Variants in DLGAP1 observed in about 807,000 individuals in gnomAD.
DLGAP1 encodes disks large-associated protein 1.
Under a neutral mutation model 90.8 loss-of-function variants are expected in DLGAP1, and 11 were observed. The ratio of observed to expected loss-of-function variants is 0.12; its 90% CI spans 0.08 to 0.20. The LOEUF is 0.20. Ranked by LOEUF, DLGAP1 falls within the 10% of genes least tolerant of loss-of-function variation. The pLI is 1.00. For synonymous variants in DLGAP1, 558 were observed against 540.7 expected (o/e 1.03, Z -0.44); for missense variants, 1,050 against 1,333.8 (o/e 0.79, Z 3.31).
intron 5 of DLGAP1, among the ~76,000 whole-genome samples, chr18:3,749,484 C>G (rs1372218675): frequency 1.3e-5 from 2 of 152,022 alleles, no homozygotes; most frequent in African/African-American, 4.8e-5. Flanking sequence ...GGGAATCCAG[C>G]CTGGATTCTC....
rs9960682 is a variant in DLGAP1, at chr18:4,029,991, G to T, written c.-158-24790C>A. On this transcript the variant is annotated intron_variant, in intron 2 of 12. Transcript: ENST00000315677. ...CCCACTAGAATGTAAACTCCATTAA[G>T]AAATTATTATTATTTTTTGAGACGG... Among the ~76,000 whole-genome samples, 265 of 152,200 alleles carry T rather than the reference G, an allele frequency of 1.7e-3. 2 individuals are homozygous for T. The highest frequency in any genetic ancestry group is 0.01 in the Middle Eastern group (3 of 294).
chr18:4,388,558 AG>A, intron 1 of DLGAP1, among the ~76,000 whole-genome samples: 1 of 152,184 alleles, frequency 6.6e-6, no homozygotes, highest in East Asian at 1.9e-4. Context: ...GAATGGGTAA[AG>A]GCAGAAAGAA....
chr18:3,698,058 T>G (rs1002119178), intron 7 of DLGAP1, among the ~76,000 whole-genome samples: 2 of 152,184 alleles, frequency 1.3e-5, no homozygotes, highest in Non-Finnish European at 2.9e-5. Flanking sequence ...CTCCATCCCT[T>G]TATTTTGAGC....
chr18:4,258,006 TGTGTGC>T lies in DLGAP1; in HGVS notation c.-266-106725_-266-106720del, dbSNP rs746642425. Among the ~76,000 whole-genome samples, 95 of 143,624 alleles carry T rather than the reference TGTGTGC, an allele frequency of 6.6e-4. 1 individual carries two copies. Among genetic ancestry groups the T allele is most frequent in the African/African-American group, 9.2e-4 (32 of 34,854 alleles). The allele number at this position is 143,624 out of a possible 152,430, so 94.2% of individuals were successfully genotyped here. On this transcript the variant is annotated intron_variant, in intron 1 of 12. Coordinates refer to ENST00000315677, the MANE Select transcript of DLGAP1 (RefSeq NM_004746.4). ...GTGTGTGTGTGTGTGTGTGTGTGTG[TGTGTGC>T]GCGCGCGCGCGTATAACCTATGTTG...
At chr18:4,105,066 A>G (rs1481646990) in intron 2 of DLGAP1, among the ~76,000 whole-genome samples, 1 of 152,204 alleles carries the variant, frequency 6.6e-6, no homozygotes, top group African/African-American at 2.4e-5. Context: ...CTGCCAGGAC[A>G]CAGAGATGAG....
intron 1 of DLGAP1, among the ~76,000 whole-genome samples, chr18:4,346,473 T>C (rs2081304759): frequency 6.6e-6 from 1 of 152,284 alleles, no homozygotes; most frequent in Non-Finnish European, 1.5e-5. Context: ...ATTTATGGAG[T>C]ACACAATATT....
intron 7 of DLGAP1, among the ~76,000 whole-genome samples, chr18:3,652,177 A>AAAAAAAG: frequency 7.2e-6 from 1 of 139,256 alleles, no homozygotes; most frequent in African/African-American, 3.4e-5. Flanking sequence ...AAAAAAAAAA[A>AAAAAAAG]AAAGAAAAGA....
At chr18:4,430,496 G>GTGGGTC (rs2083262031) in intron 1 of DLGAP1, 1 of 113,200 alleles carries the variant, frequency 8.8e-6, no homozygotes, top group Non-Finnish European at 1.8e-5. Context: ...AAATAGTCTT[G>GTGGGTC]TGTGTCTGTG....
chr18:3,881,321 G>GGTCA (rs1474743268), intron 3 of DLGAP1, among the ~76,000 whole-genome samples: 7 of 152,018 alleles, frequency 4.6e-5, no homozygotes, highest in Non-Finnish European at 1.0e-4. Context: ...TCACCATGTT[G>GGTCA]GTCAGGCTAG....
intron 1 of DLGAP1, among the ~76,000 whole-genome samples, chr18:4,188,270 A>T (rs1319398167): frequency 1.3e-5 from 2 of 152,064 alleles, no homozygotes; most frequent in Non-Finnish European, 1.5e-5. Context: ...CATTTATTCA[A>T]TTTCAAATAT....
intron 5 of DLGAP1, among the ~76,000 whole-genome samples, chr18:3,764,080 A>G (rs1289911923): frequency 6.6e-6 from 1 of 152,242 alleles, no homozygotes; most frequent in Non-Finnish European, 1.5e-5. Flanking sequence ...AGTGCGTTAC[A>G]TGGCCCTATG....
intron 9 of DLGAP1, among the ~76,000 whole-genome samples, chr18:3,539,044 C>CCCTGT (rs1197604941): frequency 3.3e-5 from 5 of 152,320 alleles, no homozygotes; most frequent in African/African-American, 1.2e-4. Flanking sequence ...ACTCAGGCAG[C>CCCTGT]CCTGTCCAAC....
chr18:4,100,740 G>A (rs889592030), intron 2 of DLGAP1, among the ~76,000 whole-genome samples: 3 of 152,152 alleles, frequency 2.0e-5, no homozygotes, highest in African/African-American at 7.2e-5. Context: ...AAATCTTCTG[G>A]ATAACTTGTT....
At chr18:3,981,805 A>G (rs955519502) in intron 3 of DLGAP1, among the ~76,000 whole-genome samples, 1 of 152,186 alleles carries the variant, frequency 6.6e-6, no homozygotes, top group African/African-American at 2.4e-5. Flanking sequence ...ATCTATATGT[A>G]TATGAAATAT....
At chr18:4,105,733 T>C (rs2075847327) in intron 2 of DLGAP1, among the ~76,000 whole-genome samples, 1 of 152,164 alleles carries the variant, frequency 6.6e-6, no homozygotes, top group African/African-American at 2.4e-5. Flanking sequence ...AAAGGAGGCC[T>C]TAAAAGTTGT....
chr18:4,052,263 T>A (rs746124236), intron 2 of DLGAP1, among the ~76,000 whole-genome samples: 1 of 152,320 alleles, frequency 6.6e-6, no homozygotes, highest in African/African-American at 2.4e-5. Flanking sequence ...AAGATTCTCC[T>A]GAGGGATCTG....
intron 7 of DLGAP1, among the ~76,000 whole-genome samples, chr18:3,629,146 T>C (rs1291719283): frequency 1.3e-5 from 2 of 152,196 alleles, no homozygotes; most frequent in Non-Finnish European, 2.9e-5. Context: ...TTATAATTTT[T>C]TGTGGCCAGG....
intron 7 of DLGAP1, chr18:3,607,982 C>T (rs1184568945): frequency 6.6e-6 from 1 of 152,214 alleles, no homozygotes; most frequent in Admixed American, 6.5e-5. Context: ...TTGTCATCTG[C>T]AAGGGATGCT....
intron 3 of DLGAP1, among the ~76,000 whole-genome samples, chr18:3,929,489 C>T (rs2072468708): frequency 6.6e-6 from 1 of 152,150 alleles, no homozygotes; most frequent in African/African-American, 2.4e-5. Context: ...TAAGTGCAAA[C>T]ACAGATGCCA....
Sources: allele counts gnomAD v4.1 joint callset (sites outside exome capture counted in the v4.1 genomes callset), GRCh38; gene constraint gnomAD v4.1.1; transcripts MANE v1.5; gene names NCBI Gene and HGNC (gene_info 2026-07-23, HGNC 2026-07-21).